The following ZNF25 variants were observed in gnomAD, a reference collection of about 807,000 sequenced individuals.
The protein encoded by ZNF25 is zinc finger protein 25 (KOX 19).
ZNF25 carries 21 observed loss-of-function variants against 30.9 expected under a neutral mutation model. That is an observed-to-expected ratio of 0.68 (90% CI 0.48 to 0.98). ZNF25 has a LOEUF of 0.98. Among genes scored for constraint, ZNF25 ranks in the 50% least tolerant of loss-of-function variants. The pLI, the probability that ZNF25 is intolerant of heterozygous loss-of-function variation, is 0.00. For synonymous variants in ZNF25, 169 were observed against 181.3 expected, an observed-to-expected ratio of 0.93 and a Z score of 0.55; for missense variants, 501 against 529.9, an observed-to-expected ratio of 0.95 and a Z score of 0.54.
intron 2 of ZNF25, among the ~76,000 whole-genome samples, chr10:37,963,725 A>G (rs2135388247): frequency 6.6e-6 from 1 of 152,348 alleles, no homozygotes; most frequent in African/African-American, 2.4e-5. Context: ...TTGTAATCCC[A>G]GCACTTTGGG....
intron 2 of ZNF25, among the ~76,000 whole-genome samples, chr10:37,964,358 C>CT (rs1428314706): frequency 3.3e-5 from 5 of 152,134 alleles, no homozygotes; most frequent in Admixed American, 6.5e-5. Flanking sequence ...GAAGAAGACA[C>CT]TAAGCTGAGG....
Position 37,960,659 on chromosome 10 carries a change from G to A in ZNF25, c.16-3113C>T, listed in dbSNP as rs907589631. On this transcript the variant is annotated intron_variant, in intron 2 of 5. Coordinates refer to ENST00000302609, the MANE Select transcript of ZNF25 (RefSeq NM_145011.4). ...AAAAAAAAAAACAAAGAAGCTGTGG[G>A]AACACCAGTATCCGAGATAATGGCA... Among the ~76,000 whole-genome samples the A allele has an allele frequency of 8.6e-5, 13 of 150,690 alleles. No homozygotes were observed. The South Asian group carries it at 2.3e-3, about 27-fold the overall frequency.
chr10:37,955,077 T>G (rs1266440978), intron 4 of ZNF25, among the ~76,000 whole-genome samples: 1 of 151,588 alleles, frequency 6.6e-6, no homozygotes, highest in Non-Finnish European at 1.5e-5. Context: ...TCACTTGAAC[T>G]CAGGAGGTGG....
At position 37,952,155 on chromosome 10, in the gene ZNF25, T is replaced by C; in HGVS notation, c.1343A>G (p.His448Arg). Reference protein sequence around the residue: ...KSQLTAHQKTHTKKRNAEK With the variant: ...KSQLTAHQKTRTKKRNAEK The stretch of plus-strand genomic sequence containing the variant: ...CTTCTCAGCATTCCTCTTCTTTGTG[T>C]GTGTCTTCTGATGTGCAGTGAGTTG... Residue 448 changes from histidine to arginine, a missense_variant, in exon 6 of 6, where the codon CAC becomes CGC. Physicochemically the swap from His to Arg is conservative, Grantham distance 29. Transcript: ENST00000302609. The C allele has an allele frequency of 6.3e-7, 1 of 1,579,660 alleles. No homozygotes were observed. Among genetic ancestry groups the C allele is most frequent in the Non-Finnish European group, 8.6e-7 (1 of 1,164,836 alleles).
At chr10:37,956,312 G>A (rs989499024) in intron 4 of ZNF25, among the ~76,000 whole-genome samples, 1 of 152,098 alleles carries the variant, frequency 6.6e-6, no homozygotes, top group Non-Finnish European at 1.5e-5. Context: ...AATAACTGAG[G>A]TATTTTATTG....
intron 2 of ZNF25, 99 bp from the exon 3 acceptor site, chr10:37,957,645 T>G: frequency 7.5e-7 from 1 of 1,332,188 alleles, no homozygotes; most frequent in South Asian, 1.8e-5. Context: ...AACTGCAAAG[T>G]TCATTCTGGA....
intron 2 of ZNF25, among the ~76,000 whole-genome samples, chr10:37,959,121 T>G (rs1175281421): frequency 6.6e-6 from 1 of 152,204 alleles, no homozygotes; most frequent in Non-Finnish European, 1.5e-5. Context: ...TTCTGTCATT[T>G]CATACTATGT....
chr10:37,960,665 C>T (rs555199855), intron 2 of ZNF25, among the ~76,000 whole-genome samples: 1 of 146,270 alleles, frequency 6.8e-6, no homozygotes, highest in South Asian at 2.2e-4. Flanking sequence ...GTGGGAACAC[C>T]AGTATCCGAG....
Position 37,952,169 on chromosome 10 carries a change from T to C in ZNF25, c.1329A>G (p.Ala443=), listed in dbSNP as rs2062176832. Residue 443 remains alanine (A), a synonymous_variant, in exon 6 of 6, where the codon GCA becomes GCG. Transcript: ENST00000302609. ...TCTTCTTTGTGTGTGTCTTCTGATGTGCAGTGAGTTGTGACTTCTGGATAA... is the reference window on the plus strand; with the variant it reads ...TCTTCTTTGTGTGTGTCTTCTGATGCGCAGTGAGTTGTGACTTCTGGATAA... The part of the protein sequence containing the change: ...ETFIQKSQLT[A]HQKTHTKKRN... 1 of 1,599,148 alleles carries C rather than the reference T, an allele frequency of 6.3e-7. No individual in the cohort carries two copies. Among genetic ancestry groups the C allele is most frequent in the South Asian group, 1.1e-5 (1 of 88,730 alleles).
At chr10:37,960,343 G>A (rs2062785329) in intron 2 of ZNF25, among the ~76,000 whole-genome samples, 1 of 151,884 alleles carries the variant, frequency 6.6e-6, no homozygotes, top group African/African-American at 2.4e-5. Context: ...GGCCGGGTGT[G>A]GTGGCTCACG....
At chr10:37,973,372 T>C in intron 1 of ZNF25, among the ~76,000 whole-genome samples, 1 of 151,780 alleles carries the variant, frequency 6.6e-6, no homozygotes. Flanking sequence ...TCCCAACACT[T>C]TGGGAGGTGT....
Position 37,976,524 on chromosome 10 carries a change from T to A in ZNF25, c.-104A>T, listed in dbSNP as rs1046786627. ...GACACACCTGCAGGGTCTCGGCCTC[T>A]GCTCCCGGCCCGCGCCGGGCCCAGG... On this transcript the variant is annotated 5_prime_UTR_variant, in exon 1 of 6. Coordinates refer to ENST00000302609, the MANE Select transcript of ZNF25 (RefSeq NM_145011.4). The A allele has an allele frequency of 6.6e-6, 1 of 152,346 alleles. No homozygotes were observed. The highest frequency in any genetic ancestry group is 1.5e-5 in the Non-Finnish European group (1 of 68,204). The allele number at this position is 152,346 out of a possible 1,614,324, so 9.4% of individuals were successfully genotyped here.
rs2063008795 is a variant in ZNF25 at position 37,963,547 on chromosome 10, T to C, written c.16-6001A>G. Among the ~76,000 whole-genome samples the C allele has an allele frequency of 2.0e-5, 3 of 152,210 alleles. 1 individual carries two copies. The South Asian group carries it at 6.2e-4, about 32-fold the overall frequency. ...CCCCTCCAAATTTCATGTTGAAATA[T>C]AATCCCCAGTGTGGGAGTTGGGGAC... is the stretch of plus-strand genomic sequence containing the variant. On this transcript the variant is annotated intron_variant, in intron 2 of 5. Coordinates refer to ENST00000302609, the MANE Select transcript of ZNF25 (RefSeq NM_145011.4).
chr10:37,975,495 CCAT>C (rs570501510), intron 1 of ZNF25, among the ~76,000 whole-genome samples: 136 of 152,100 alleles, frequency 8.9e-4, no homozygotes, highest in African/African-American at 3.2e-3. Flanking sequence ...AAGATCACCA[CCAT>C]AAAATGGAGG....
chr10:37,963,573 T>C (rs973028147), intron 2 of ZNF25, among the ~76,000 whole-genome samples: 5 of 152,176 alleles, frequency 3.3e-5, no homozygotes, highest in African/African-American at 1.2e-4. Flanking sequence ...AGTTGGGGAC[T>C]GGTAGGAGGT....
intron 2 of ZNF25, among the ~76,000 whole-genome samples, chr10:37,963,582 G>A (rs1359365271): frequency 6.6e-6 from 1 of 152,184 alleles, no homozygotes; most frequent in Non-Finnish European, 1.5e-5. Flanking sequence ...CTGGTAGGAG[G>A]TATTTGGGTC....
intron 4 of ZNF25, among the ~76,000 whole-genome samples, chr10:37,955,172 T>C (rs2062442384): frequency 1.3e-5 from 2 of 151,890 alleles, no homozygotes; most frequent in Admixed American, 6.6e-5. Context: ...AAAAATCTTA[T>C]GTTTGGAAAA....
chr10:37,968,253 T>C (rs1467566132), intron 2 of ZNF25, among the ~76,000 whole-genome samples: 1 of 152,062 alleles, frequency 6.6e-6, no homozygotes, highest in Non-Finnish European at 1.5e-5. Context: ...ACATGGAGTT[T>C]CACCGTATTG....
intron 2 of ZNF25, 48 bp downstream of exon 2, chr10:37,971,660 C>G (rs201761252): frequency 1.2e-6 from 2 of 1,611,556 alleles, no homozygotes; most frequent in South Asian, 2.2e-5. Context: ...CACACACACA[C>G]ACACACACAC....
Sources: gnomAD v4.1 joint callset for allele counts (sites outside exome capture counted in the v4.1 genomes callset) on GRCh38, gnomAD v4.1.1 for gene constraint, MANE v1.5 for transcripts, NCBI Gene and HGNC (gene_info 2026-07-23, HGNC 2026-07-21) for gene names.